The following RNF121 variants were observed in gnomAD, a reference collection of about 807,000 sequenced individuals.
RNF121 encodes the protein E3 ubiquitin ligase RNF121.
RNF121 carries 21 observed loss-of-function variants against 46.5 expected under a neutral mutation model. The ratio of observed to expected loss-of-function variants is 0.45; its 90% CI spans 0.32 to 0.65. The LOEUF (loss-of-function observed/expected upper bound fraction) is 0.65, where lower values mean the gene tolerates loss of function less well. RNF121 is among the 30% of genes least tolerant of loss of function. The pLI is 0.04. For synonymous variants in RNF121, 139 were observed against 144.7 expected, an observed-to-expected ratio of 0.96 and a Z score of 0.28; for missense variants, 346 against 416.0, an observed-to-expected ratio of 0.83 and a Z score of 1.46.
At chr11:71,934,241 C>T (rs1433458484) in intron 1 of RNF121, among the ~76,000 whole-genome samples, 2 of 152,256 alleles carry the variant, frequency 1.3e-5, no homozygotes, top group African/African-American at 4.8e-5. Flanking sequence ...GTGCCAGGCA[C>T]TTTGGTGTGC....
chr11:71,990,942 C>CT lies in RNF121; in HGVS notation c.627+228dup, dbSNP rs1357237777. 1.6e-5 allele frequency: 9 copies of CT among 563,970 alleles called. No individual in the cohort carries two copies. In the East Asian group the frequency reaches 2.4e-4, roughly 15 times the overall value. 34.9% of individuals were successfully genotyped at this position (563,970 alleles called of 1,614,324 possible). A position where few individuals can be genotyped will look rare whatever the true frequency, so the allele number is the denominator to read the frequency against. On this transcript the variant is annotated intron_variant, in intron 6 of 8. Transcript: ENST00000361756. ...TTGCAGCAACATGCCAGCTGGAGGC[C>CT]TTTATCATAAGCCAGTTAATGCAGG...
intron 1 of RNF121, among the ~76,000 whole-genome samples, chr11:71,941,904 T>C (rs1158678329): frequency 6.6e-6 from 1 of 151,832 alleles, no homozygotes; most frequent in Non-Finnish European, 1.5e-5. Flanking sequence ...TGATACATGT[T>C]GAATTTTATT....
chr11:71,977,807 C>A (rs1460960195), intron 3 of RNF121, among the ~76,000 whole-genome samples: 1 of 152,180 alleles, frequency 6.6e-6, no homozygotes, highest in Admixed American at 6.5e-5. Flanking sequence ...TTTGTACTGG[C>A]CACCTAATTC....
Position 71,952,287 on chromosome 11 carries a change from G to A in RNF121, c.64-4940G>A, listed in dbSNP as rs58510802. Among the ~76,000 whole-genome samples the A allele has an allele frequency of 5.0e-3, 758 of 152,294 alleles. 18 individuals are homozygous for A. The highest frequency in any genetic ancestry group is 0.027 in the Admixed American group (411 of 15,290). ...ATAGGCAAATCTATAGATAGAGACA[G>A]AATGTAAATTAGTGGTTGCCTTGGG... On this transcript the variant is annotated intron_variant, in intron 1 of 8. Transcript: ENST00000361756.
intron 3 of RNF121, among the ~76,000 whole-genome samples, chr11:71,964,030 C>T (rs768198727): frequency 6.6e-6 from 1 of 152,120 alleles, no homozygotes; most frequent in African/African-American, 2.4e-5. Flanking sequence ...TTAATATCAA[C>T]GTTTCCATTT....
chr11:71,952,744 G>C (rs1953911716), intron 1 of RNF121, among the ~76,000 whole-genome samples: 1 of 152,188 alleles, frequency 6.6e-6, no homozygotes, highest in Non-Finnish European at 1.5e-5. Flanking sequence ...GGAAGGCGGA[G>C]GTTGAGTGAG....
intron 3 of RNF121, among the ~76,000 whole-genome samples, chr11:71,979,794 GA>G (rs1565157907): frequency 6.6e-6 from 1 of 152,198 alleles, no homozygotes; most frequent in African/African-American, 2.4e-5. Flanking sequence ...CCAAGTTTTT[GA>G]AAAACTGGCA....
chr11:71,996,652 C>G lies in RNF121; in HGVS notation c.*337C>G. The G allele has an allele frequency of 4.4e-6, 1 of 224,932 alleles. No individual in the cohort carries two copies. Among genetic ancestry groups the G allele is most frequent in the Admixed American group, 5.2e-5 (1 of 19,296 alleles). The allele number at this position is 224,932 out of a possible 1,614,324, so 13.9% of individuals were successfully genotyped here. ...CCATGACATTTTTGGTTTAAAGGAG[C>G]CTTCTCATCTCTGGCCGAGAACACT... On this transcript the variant is annotated 3_prime_UTR_variant, in exon 9 of 9. Coordinates refer to ENST00000361756, the MANE Select transcript of RNF121 (RefSeq NM_018320.5).
intron 3 of RNF121, among the ~76,000 whole-genome samples, chr11:71,977,471 G>A (rs1453086332): frequency 6.6e-5 from 10 of 152,178 alleles, no homozygotes; most frequent in African/African-American, 1.2e-4. Context: ...GAGGCAATCC[G>A]TTTAAATGTG....
chr11:71,993,094 G>T (rs1954896697), intron 6 of RNF121, among the ~76,000 whole-genome samples: 1 of 152,052 alleles, frequency 6.6e-6, no homozygotes, highest in Admixed American at 6.6e-5. Flanking sequence ...ACAGTACATT[G>T]GATCACTTTA....
intron 5 of RNF121, among the ~76,000 whole-genome samples, chr11:71,987,866 A>T (rs150731016): frequency 1.8e-4 from 27 of 152,306 alleles, no homozygotes; most frequent in African/African-American, 6.5e-4. Context: ...GTGTGAGGGA[A>T]TGAGATGACA....
chr11:71,994,724 CA>C lies in RNF121; in HGVS notation c.634del (p.Ser212AlafsTer68). On this transcript the variant is annotated frameshift_variant, in exon 7 of 9. Coordinates refer to ENST00000361756, the MANE Select transcript of RNF121 (RefSeq NM_018320.5). LOFTEE classifies it high-confidence loss of function. ...TTCCTGCTATTCTCCTTCAGTTCTA[CA>C]GCGAGTCGGGCATGCCTACCAAACA... ...DYMASTIGFY[S>X]ESGMPTKHLS... The C allele has an allele frequency of 1.2e-6, 2 of 1,614,194 alleles. No homozygotes were observed. Among genetic ancestry groups the C allele is most frequent in the Non-Finnish European group, 1.7e-6 (2 of 1,180,028 alleles).
chr11:71,961,897 C>T (rs1301511175), intron 3 of RNF121, among the ~76,000 whole-genome samples: 1 of 152,006 alleles, frequency 6.6e-6, no homozygotes, highest in Non-Finnish European at 1.5e-5. Flanking sequence ...TGAGTGAAAG[C>T]CCCCTTGGCA....
At chr11:71,963,773 C>G (rs1954200253) in intron 3 of RNF121, among the ~76,000 whole-genome samples, 1 of 152,168 alleles carries the variant, frequency 6.6e-6, no homozygotes, top group Admixed American at 6.5e-5. Context: ...ACTTCTTTCT[C>G]CATTGGATGG....
At chr11:71,973,790 A>C (rs1177173243) in intron 3 of RNF121, among the ~76,000 whole-genome samples, 1 of 152,164 alleles carries the variant, frequency 6.6e-6, no homozygotes, top group Non-Finnish European at 1.5e-5. Flanking sequence ...TCTGTCTCAA[A>C]AAACAAAAAA....
intron 3 of RNF121, among the ~76,000 whole-genome samples, chr11:71,961,516 T>C (rs1279393324): frequency 2.0e-5 from 3 of 152,022 alleles, no homozygotes; most frequent in East Asian, 1.9e-4. Flanking sequence ...TGAGTCGTGA[T>C]CGTGCCATTG....
At chr11:71,971,073 T>G (rs1258557750) in intron 3 of RNF121, among the ~76,000 whole-genome samples, 5 of 152,048 alleles carry the variant, frequency 3.3e-5, no homozygotes, top group African/African-American at 4.8e-5. Flanking sequence ...AAAGGTAAAG[T>G]TATGAAACTA....
chr11:71,965,014 T>G (rs1954240891), intron 3 of RNF121, among the ~76,000 whole-genome samples: 1 of 152,144 alleles, frequency 6.6e-6, no homozygotes, highest in African/African-American at 2.4e-5. Flanking sequence ...TATGTTTATT[T>G]GTTATAAAAA....
At chr11:71,932,013 C>T (rs1435100289) in intron 1 of RNF121, among the ~76,000 whole-genome samples, 1 of 152,150 alleles carries the variant, frequency 6.6e-6, no homozygotes, top group Non-Finnish European at 1.5e-5. Context: ...TATTAGATGC[C>T]ATTAGCATGA....
Sources: allele counts gnomAD v4.1 joint callset (sites outside exome capture counted in the v4.1 genomes callset), GRCh38; gene constraint gnomAD v4.1.1; transcripts MANE v1.5; gene names NCBI Gene and HGNC (gene_info 2026-07-23, HGNC 2026-07-21).